The following RSPRY1 variants were observed in gnomAD, a reference collection of about 807,000 sequenced individuals.
The protein encoded by RSPRY1 is RING finger and SPRY domain-containing protein 1.
In RSPRY1, 23 loss-of-function variants were observed where a neutral mutation model predicts 73.1. The ratio of observed to expected loss-of-function variants is 0.31; its 90% CI spans 0.23 to 0.45. The LOEUF is 0.45. Ranked by LOEUF, RSPRY1 falls within the 20% of genes least tolerant of loss-of-function variation. The pLI is 1.00. For missense variants in RSPRY1, 448 were observed against 698.7 expected, an observed-to-expected ratio of 0.64 and a Z score of 4.05; for synonymous variants, 226 against 251.4, an observed-to-expected ratio of 0.90 and a Z score of 0.95.
chr16:57,234,929 G>T (rs979998567), intron 13 of RSPRY1, among the ~76,000 whole-genome samples, 195 bp from the exon 14 acceptor site: 3 of 152,164 alleles, frequency 2.0e-5, no homozygotes, highest in Admixed American at 2.0e-4. Flanking sequence ...AATGGGAATG[G>T]TTATACCTCC....
chr16:57,201,612 G>C (rs1466470684), intron 1 of RSPRY1, among the ~76,000 whole-genome samples: 1 of 152,146 alleles, frequency 6.6e-6, no homozygotes, highest in African/African-American at 2.4e-5. Flanking sequence ...CAGGCAGCTG[G>C]GGAGGTGGAG....
intron 1 of RSPRY1, among the ~76,000 whole-genome samples, chr16:57,201,975 GGAGGGA>G (rs1418649664): frequency 2.0e-5 from 3 of 151,822 alleles, no homozygotes; most frequent in Non-Finnish European, 2.9e-5. Flanking sequence ...GAGAGGGAGA[GGAGGGA>G]GAGGGAGAGG....
At chr16:57,202,262 A>T (rs2074632558) in intron 1 of RSPRY1, among the ~76,000 whole-genome samples, 2 of 152,124 alleles carry the variant, frequency 1.3e-5, no homozygotes, top group South Asian at 4.1e-4. Flanking sequence ...TTGTTCTTAG[A>T]ACTCCCAAGA....
At chr16:57,234,355 G>C (rs545942270) in intron 13 of RSPRY1, among the ~76,000 whole-genome samples, 1 of 152,240 alleles carries the variant, frequency 6.6e-6, no homozygotes, top group East Asian at 1.9e-4. Context: ...TACACTCCTT[G>C]TCCTTCCCAT....
chr16:57,190,059 A>G (rs1221166501), intron 1 of RSPRY1, among the ~76,000 whole-genome samples: 7 of 152,124 alleles, frequency 4.6e-5, no homozygotes, highest in Non-Finnish European at 1.0e-4. Flanking sequence ...AGTAATCACT[A>G]TTACACTACT....
intron 1 of RSPRY1, among the ~76,000 whole-genome samples, chr16:57,198,952 C>A (rs1255299266): frequency 1.3e-5 from 2 of 152,210 alleles, no homozygotes; most frequent in Admixed American, 1.3e-4. Context: ...CAGGGGATGA[C>A]ACATTTCCCC....
Position 57,209,061 on chromosome 16 carries a change from T to C in RSPRY1, c.404-14T>C, listed in dbSNP as rs775692677. 1 of 1,539,142 alleles carries C rather than the reference T, an allele frequency of 6.5e-7. No homozygotes were observed. Among genetic ancestry groups the C allele is most frequent in the Admixed American group, 1.7e-5 (1 of 57,542 alleles). On this transcript the variant is annotated splice_polypyrimidine_tract_variant and intron_variant, in intron 3 of 14. Coordinates refer to ENST00000394420, the MANE Select transcript of RSPRY1 (RefSeq NM_133368.3). ...TAGTGACTCCATCATATAATCTTCT[T>C]GATTTGCTCTTAGATGAAGGATGGT...
intron 1 of RSPRY1, among the ~76,000 whole-genome samples, chr16:57,204,297 C>T (rs1256924893): frequency 1.3e-5 from 2 of 152,084 alleles, no homozygotes; most frequent in African/African-American, 2.4e-5. Flanking sequence ...TGGCAATCAA[C>T]TTTGTAACAG....
upstream of RSPRY1, chr16:57,186,251 G>A (rs1213537871): frequency 1.1e-5 from 10 of 876,954 alleles, no homozygotes; most frequent in Non-Finnish European, 1.4e-5. Context: ...TGGCTGTCAA[G>A]GAGAGGGCTT....
At chr16:57,187,520 A>G (rs2074253853) in intron 1 of RSPRY1, among the ~76,000 whole-genome samples, 1 of 152,088 alleles carries the variant, frequency 6.6e-6, no homozygotes, top group South Asian at 2.1e-4. Context: ...GAGTGACTTA[A>G]CCTCCTTAAG....
chr16:57,223,841 T>G (rs1249152392), intron 10 of RSPRY1, among the ~76,000 whole-genome samples: 1 of 152,204 alleles, frequency 6.6e-6, no homozygotes, highest in Admixed American at 6.5e-5. Context: ...TTTTGTGAGG[T>G]CTTTCACATA....
intron 1 of RSPRY1, among the ~76,000 whole-genome samples, chr16:57,196,823 T>G (rs148618887): frequency 1.4e-4 from 21 of 152,348 alleles, no homozygotes; most frequent in African/African-American, 4.8e-4. Flanking sequence ...TTTTGTAACA[T>G]CTTGCATTTT....
intron 13 of RSPRY1, among the ~76,000 whole-genome samples, chr16:57,233,241 A>G (rs2146381048): frequency 6.6e-6 from 1 of 152,134 alleles, no homozygotes. Flanking sequence ...CCTTTTTATT[A>G]TGGAAAATTT....
At chr16:57,213,143 C>T (rs1401353856) in intron 5 of RSPRY1, 45 bp downstream of exon 5, 9 of 1,562,738 alleles carry the variant, frequency 5.8e-6, no homozygotes, top group Non-Finnish European at 7.8e-6. Context: ...AGTTGTTTGA[C>T]ATTAAAGGGA....
chr16:57,191,026 A>G (rs1431090762), intron 1 of RSPRY1, among the ~76,000 whole-genome samples: 1 of 152,240 alleles, frequency 6.6e-6, no homozygotes, highest in Non-Finnish European at 1.5e-5. Context: ...AACTCTGCAC[A>G]TAGCTTTCTT....
chr16:57,221,490 T>C, intron 10 of RSPRY1, 75 bp downstream of exon 10: 1 of 1,429,384 alleles, frequency 7.0e-7, no homozygotes, highest in Non-Finnish European at 9.5e-7. Context: ...GGGTGGAAAA[T>C]ACTTATTTTT....
chr16:57,217,090 C>A, intron 8 of RSPRY1, 55 bp downstream of exon 8: 1 of 1,591,562 alleles, frequency 6.3e-7, no homozygotes, highest in Non-Finnish European at 8.6e-7. Context: ...AGACTCATTT[C>A]TTTCATAGGC....
intron 8 of RSPRY1, 140 bp downstream of exon 8, chr16:57,217,175 G>A: frequency 1.2e-6 from 1 of 860,472 alleles, no homozygotes; most frequent in Middle Eastern, 2.3e-4. Flanking sequence ...ATATATTCTA[G>A]CAGAAAAGTA....
At chr16:57,199,690 T>C (rs1308784473) in intron 1 of RSPRY1, among the ~76,000 whole-genome samples, 1 of 151,844 alleles carries the variant, frequency 6.6e-6, no homozygotes, top group African/African-American at 2.4e-5. Context: ...AGATAAAGAT[T>C]TTTTTTTAAT....
Sources: gnomAD v4.1 joint callset for allele counts (sites outside exome capture counted in the v4.1 genomes callset) on GRCh38, gnomAD v4.1.1 for gene constraint, MANE v1.5 for transcripts, NCBI Gene and HGNC (gene_info 2026-07-23, HGNC 2026-07-21) for gene names.